The following NIN variants were observed in gnomAD, a reference collection of about 807,000 sequenced individuals.
NIN encodes ninein.
Under a neutral mutation model 257.6 loss-of-function variants are expected in NIN, and 137 were observed. The observed-to-expected ratio is 0.53, with a 90% CI of 0.46 to 0.61. The LOEUF (loss-of-function observed/expected upper bound fraction) is 0.61, where lower values mean the gene tolerates loss of function less well. Ranked by LOEUF, NIN falls within the 20% of genes least tolerant of loss-of-function variation. NIN has a pLI of 0.00. For synonymous variants in NIN, 918 were observed against 919.8 expected, an observed-to-expected ratio of 1.00 and a Z score of 0.04; for missense variants, 2,439 against 2,501.2, an observed-to-expected ratio of 0.98 and a Z score of 0.53.
chr14:50,738,489 G>A (rs1262896802), intron 26 of NIN, among the ~76,000 whole-genome samples: 1 of 152,162 alleles, frequency 6.6e-6, no homozygotes, highest in Non-Finnish European at 1.5e-5. Flanking sequence ...GCAAACCCAG[G>A]ACTGTAGGAA....
At chr14:50,773,273 T>C (rs1445867569) in intron 7 of NIN, among the ~76,000 whole-genome samples, 178 bp from the exon 8 acceptor site, 1 of 152,164 alleles carries the variant, frequency 6.6e-6, no homozygotes, top group African/African-American at 2.4e-5. Flanking sequence ...CCCTCCTCCT[T>C]CCCACAAACT....
At chr14:50,795,756 A>T (rs978927020) in intron 4 of NIN, among the ~76,000 whole-genome samples, 2 of 152,200 alleles carry the variant, frequency 1.3e-5, no homozygotes, top group African/African-American at 4.8e-5. Flanking sequence ...TATCTGCTCC[A>T]ATCACCAGCT....
chr14:50,760,118 G>C lies in NIN; in HGVS notation c.2138C>G (p.Thr713Ser). 7 of 1,614,206 alleles carry C rather than the reference G, an allele frequency of 4.3e-6. No homozygotes were observed. Among genetic ancestry groups the C allele is most frequent in the Non-Finnish European group, 5.9e-6 (7 of 1,180,036 alleles). Residue 713 changes from threonine (T) to serine (S), a missense_variant, in exon 17 of 31, where the codon ACT (threonine) becomes AGT (serine). Thr to Ser is a moderately conservative substitution (Grantham distance 58). Around this residue, in one of 3 missense-constraint regions of NIN, gnomAD observed 2,043 missense variants for 2,050.2 expected, o/e 1.00. Coordinates refer to ENST00000530997, the MANE Select transcript of NIN (RefSeq NM_020921.4). ...CAGCCTCAGCTTCTCCTGCAGGTGA[G>C]TCTTTTCCTCCTCAAGCTTCACTTG... ...QLQVKLEEEK[T>S]HLQEKLRLQH...
At chr14:50,763,710 ATTCTTT>A in intron 15 of NIN, 110 bp downstream of exon 15, 55 of 864,576 alleles carry the variant, frequency 6.4e-5, no homozygotes, top group Admixed American at 9.9e-5. Context: ...GTATGGCCAA[ATTCTTT>A]TTTTTTTTTT....
intron 26 of NIN, 53 bp downstream of exon 26, chr14:50,739,255 A>T (rs1214828856): frequency 6.4e-7 from 1 of 1,553,832 alleles, no homozygotes; most frequent in African/African-American, 1.4e-5. Context: ...TCATTTTCCT[A>T]TCAAACTAGT....
intron 25 of NIN, among the ~76,000 whole-genome samples, chr14:50,741,260 G>C (rs1175910049): frequency 2.0e-5 from 3 of 151,780 alleles, no homozygotes; most frequent in Admixed American, 2.0e-4. Flanking sequence ...CTTCTGACTT[G>C]CTCAATACAA....
intron 25 of NIN, 114 bp from the exon 26 acceptor site, chr14:50,739,601 T>A: frequency 1.2e-6 from 1 of 834,020 alleles, no homozygotes; most frequent in Admixed American, 2.6e-5. Context: ...ACCTTTCAAT[T>A]GTCCCCTCAG....
At chr14:50,777,567 G>T (rs757978340) in intron 6 of NIN, among the ~76,000 whole-genome samples, 5 of 151,998 alleles carry the variant, frequency 3.3e-5, no homozygotes, top group Non-Finnish European at 5.9e-5. Context: ...AAGTACTACA[G>T]CATCTTTTAC....
In NIN at chr14:50,757,481, A is replaced by G; in HGVS notation, c.3549T>C (p.Leu1183=). The part of the protein sequence containing the change: ...SEASVEGFSE[L]ENSEETRTES... ...CAGTCCTGGTCTCTTCACTGTTTTC[A>G]AGCTCAGAAAAACCCTCTACTGAAG... is the stretch of plus-strand genomic sequence containing the variant. Residue 1183 remains leucine, a synonymous_variant, in exon 18 of 31, where the codon CTT becomes CTC. Transcript: ENST00000530997. 1 of 1,613,962 alleles carries G rather than the reference A, an allele frequency of 6.2e-7. No individual in the cohort carries two copies. Among genetic ancestry groups the G allele is most frequent in the South Asian group, 1.1e-5 (1 of 91,064 alleles).
chr14:50,753,381 C>T (rs1392598385), intron 20 of NIN, among the ~76,000 whole-genome samples: 1 of 152,142 alleles, frequency 6.6e-6, no homozygotes, highest in Non-Finnish European at 1.5e-5. Context: ...GCCTGGGCAA[C>T]AAGAGCGAAA....
In NIN at chr14:50,737,266, GT is replaced by G. The variant is rs1301599913; in HGVS notation, c.5775+873del. ...AAGGCCCAGGTAGTGAAGAGCTGAG[GT>G]CTCAGGCAAGCAGCCAGCAAGGAAC... is the stretch of plus-strand genomic sequence containing the variant. On this transcript the variant is annotated intron_variant, in intron 27 of 30. Transcript: ENST00000530997. 5.9e-5 allele frequency among the ~76,000 whole-genome samples: 9 copies of G among 152,200 alleles called. No individual in the cohort carries two copies. In the South Asian group the frequency reaches 1.0e-3, roughly 18 times the overall value.
intron 3 of NIN, among the ~76,000 whole-genome samples, chr14:50,815,673 A>C (rs956184626): frequency 3.3e-5 from 5 of 152,240 alleles, no homozygotes; most frequent in Non-Finnish European, 5.9e-5. Flanking sequence ...GGATAAAGAA[A>C]ATGTGGTACA....
rs8015173 is a variant in NIN at position 50,793,021 on chromosome 14, G to A, written c.266-140C>T. 1,623 of 780,892 alleles carry A rather than the reference G, an allele frequency of 2.1e-3. 20 individuals carry two copies. The African/African-American group carries it at 0.024, about 12-fold the overall frequency. The allele number at this position is 780,892 out of a possible 1,614,324, so 48.4% of individuals were successfully genotyped here. A position where few individuals can be genotyped will look rare whatever the true frequency, so the allele number is the denominator to read the frequency against. Reference sequence around the variant, plus strand: ...TTTGCCAATTGTGGTGGCTGTGGGTGTATATGAGCCATCAGGTCAGATGCA... The same window carrying A: ...TTTGCCAATTGTGGTGGCTGTGGGTATATATGAGCCATCAGGTCAGATGCA... On this transcript the variant is annotated intron_variant, in intron 4 of 30. Transcript: ENST00000530997.
chr14:50,757,079 T>C lies in NIN; in HGVS notation c.3951A>G (p.Glu1317=). 1.2e-6 allele frequency: 2 copies of C among 1,613,542 alleles called. No individual in the cohort carries two copies. The highest frequency in any genetic ancestry group is 1.7e-6 in the Non-Finnish European group (2 of 1,179,816). ...AAACCAGAACATTCAGCCCCTCATTTTCTATTTTGACCTCATCGTAACTCT... is the reference window on the plus strand; with the variant it reads ...AAACCAGAACATTCAGCCCCTCATTCTCTATTTTGACCTCATCGTAACTCT... ...LEKSYDEVKI[E]NEGLNVLVLR... is the part of the protein sequence containing the mutation. The change falls in exon 18 of 31, where the codon GAA becomes GAG. Residue 1317 remains glutamate, a synonymous_variant. Coordinates refer to ENST00000530997, the MANE Select transcript of NIN (RefSeq NM_020921.4).
intron 15 of NIN, among the ~76,000 whole-genome samples, chr14:50,762,139 G>A (rs908746692): frequency 6.6e-6 from 1 of 152,152 alleles, no homozygotes; most frequent in Non-Finnish European, 1.5e-5. Flanking sequence ...TACAGGCAGT[G>A]GAAAAAACCT....
intron 5 of NIN, among the ~76,000 whole-genome samples, chr14:50,789,558 G>A (rs544215956): frequency 1.2e-4 from 19 of 152,246 alleles, no homozygotes; most frequent in Admixed American, 4.6e-4. Context: ...GCGACAGAGC[G>A]AGACTCCATC....
chr14:50,736,873 A>T (rs1236186804), intron 27 of NIN, among the ~76,000 whole-genome samples: 1 of 152,208 alleles, frequency 6.6e-6, no homozygotes, highest in Non-Finnish European at 1.5e-5. Context: ...TAAAGAGGTA[A>T]TAGTGAAAAC....
rs771819672 is a variant in NIN at position 50,757,728 on chromosome 14, C to G, written c.3302G>C (p.Gly1101Ala). ...LQQRLQKLEPGLVMSSCLDEP... is the reference protein window; with the variant it reads ...LQQRLQKLEPALVMSSCLDEP... ...ATCCAAACAAGAAGACATTACTAACCCTGGCTCTAACTTTTGTAGCCTCTG... is the reference window on the plus strand; with the variant it reads ...ATCCAAACAAGAAGACATTACTAACGCTGGCTCTAACTTTTGTAGCCTCTG... The change falls in exon 18 of 31, where the codon GGG becomes GCG. Residue 1101 changes from glycine to alanine, a missense_variant. Transcript: ENST00000530997. The G allele has an allele frequency of 2.5e-6, 4 of 1,614,172 alleles. No homozygotes were observed. Among genetic ancestry groups the G allele is most frequent in the Non-Finnish European group, 2.5e-6 (3 of 1,180,022 alleles).
intron 3 of NIN, among the ~76,000 whole-genome samples, chr14:50,814,950 C>G (rs2044815853): frequency 6.6e-6 from 1 of 152,182 alleles, no homozygotes; most frequent in Non-Finnish European, 1.5e-5. Flanking sequence ...AGAAGAAAAT[C>G]TAGGCAATAC....
Sources: gnomAD v4.1 joint callset for allele counts (sites outside exome capture counted in the v4.1 genomes callset) on GRCh38, gnomAD v4.1.1 for gene constraint, gnomAD v4.1.1 regional missense constraint, MANE v1.5 for transcripts, NCBI Gene and HGNC (gene_info 2026-07-23, HGNC 2026-07-21) for gene names.